ATRNL1: variants seen among roughly 807,000 people sequenced by gnomAD.
ATRNL1 encodes the protein attractin-like protein 1.
ATRNL1 carries 95 observed loss-of-function variants against 182.7 expected under a neutral mutation model. The observed-to-expected ratio is 0.52, with a 90% CI of 0.44 to 0.62. The LOEUF (loss-of-function observed/expected upper bound fraction) is 0.62. Among genes scored for constraint, ATRNL1 ranks in the 20% least tolerant of loss-of-function variants. ATRNL1 has a pLI of 0.00. For missense variants in ATRNL1, 1,471 were observed against 1,679.5 expected, an observed-to-expected ratio of 0.88 and a Z score of 2.17; for synonymous variants, 576 against 568.3, an observed-to-expected ratio of 1.01 and a Z score of -0.19.
intron 27 of ATRNL1, among the ~76,000 whole-genome samples, chr10:115,773,760 G>A (rs10885810): frequency 0.46 from 70,238 of 151,874 alleles, 18,031 homozygotes; most frequent in East Asian, 0.69. Context: ...AAAGTGTTTC[G>A]TTACAGATTA....
chr10:115,157,561 C>T (rs1333610182), intron 5 of ATRNL1, among the ~76,000 whole-genome samples: 1 of 152,070 alleles, frequency 6.6e-6, no homozygotes, highest in Non-Finnish European at 1.5e-5. Flanking sequence ...TTCTTTGCCT[C>T]CTTGCCTGTT....
chr10:115,587,761 A>T (rs1483476665), intron 26 of ATRNL1, among the ~76,000 whole-genome samples: 1 of 152,130 alleles, frequency 6.6e-6, no homozygotes, highest in Non-Finnish European at 1.5e-5. Flanking sequence ...AGCTGTTCCT[A>T]TTCGGCCATC....
intron 8 of ATRNL1, among the ~76,000 whole-genome samples, chr10:115,192,665 A>G (rs1040022577): frequency 6.6e-6 from 1 of 151,956 alleles, no homozygotes; most frequent in African/African-American, 2.4e-5. Context: ...TGTTTAATCT[A>G]TAGAACCTTT....
chr10:115,935,361 T>A (rs1243959225), intron 28 of ATRNL1, among the ~76,000 whole-genome samples: 11 of 152,220 alleles, frequency 7.2e-5, no homozygotes, highest in South Asian at 4.1e-4. Flanking sequence ...ACAGAATCAA[T>A]CATAGTTTTT....
chr10:115,121,085 T>C (rs1554871432), intron 2 of ATRNL1, among the ~76,000 whole-genome samples: 1 of 152,048 alleles, frequency 6.6e-6, no homozygotes. Context: ...ATGTATACAG[T>C]CTATGTAACC....
chr10:115,695,366 A>G (rs1216917372), intron 26 of ATRNL1, among the ~76,000 whole-genome samples: 2 of 152,180 alleles, frequency 1.3e-5, no homozygotes, highest in Admixed American at 6.5e-5. Flanking sequence ...TAGGAGTTTT[A>G]TTCTGAAAAG....
At chr10:115,435,116 G>C (rs1312787562) in intron 21 of ATRNL1, among the ~76,000 whole-genome samples, 6 of 151,052 alleles carry the variant, frequency 4.0e-5, no homozygotes, top group Non-Finnish European at 8.9e-5. Context: ...CCGCCTCCTG[G>C]GTTCATGCCA....
chr10:115,299,147 C>T (rs1258277955), intron 15 of ATRNL1, among the ~76,000 whole-genome samples: 1 of 150,942 alleles, frequency 6.6e-6, no homozygotes, highest in Non-Finnish European at 1.5e-5. Flanking sequence ...ATATTGGTAG[C>T]TTAGTATTTT....
intron 26 of ATRNL1, among the ~76,000 whole-genome samples, chr10:115,713,173 T>C (rs543082544): frequency 2.6e-5 from 4 of 152,244 alleles, no homozygotes; most frequent in African/African-American, 9.6e-5. Context: ...GACCACATGG[T>C]AGAGAGTGAC....
At chr10:115,380,004 G>T (rs1554950652) in intron 19 of ATRNL1, among the ~76,000 whole-genome samples, 3 of 151,982 alleles carry the variant, frequency 2.0e-5, no homozygotes, top group African/African-American at 7.3e-5. Flanking sequence ...TTTTGTTTTT[G>T]TATTTTTAGT....
At chr10:115,900,217 A>T (rs550860529) in intron 28 of ATRNL1, among the ~76,000 whole-genome samples, 1 of 152,344 alleles carries the variant, frequency 6.6e-6, no homozygotes, top group South Asian at 2.1e-4. Flanking sequence ...AAAAAGATAA[A>T]TTGGGCCCAT....
chr10:115,482,208 A>G (rs1238606432), intron 24 of ATRNL1, among the ~76,000 whole-genome samples: 4 of 151,122 alleles, frequency 2.6e-5, no homozygotes, highest in African/African-American at 9.7e-5. Flanking sequence ...CTAAATAAAT[A>G]TTGAATTAAT....
intron 28 of ATRNL1, among the ~76,000 whole-genome samples, chr10:115,920,733 A>C: frequency 6.6e-6 from 1 of 152,364 alleles, no homozygotes; most frequent in South Asian, 2.1e-4. Context: ...CCTTCACAGC[A>C]TTAGACGGAA....
At chr10:115,098,874 A>G (rs2085088222) in intron 1 of ATRNL1, among the ~76,000 whole-genome samples, 1 of 152,188 alleles carries the variant, frequency 6.6e-6, no homozygotes, top group South Asian at 2.1e-4. Flanking sequence ...GAGGTGTTTA[A>G]TTATAATTTT....
chr10:115,276,568 T>A (rs1178328744), intron 13 of ATRNL1, among the ~76,000 whole-genome samples: 1 of 152,232 alleles, frequency 6.6e-6, no homozygotes. Flanking sequence ...TCAGAATGTC[T>A]TGTGATTAAG....
At chr10:115,780,859 A>C (rs1949248689) in intron 27 of ATRNL1, among the ~76,000 whole-genome samples, 1 of 152,148 alleles carries the variant, frequency 6.6e-6, no homozygotes, top group Non-Finnish European at 1.5e-5. Context: ...ACTCAGATGT[A>C]CTGGTTTCAG....
rs934544062 is a variant in ATRNL1 at position 115,509,612 on chromosome 10, C to G, written c.3655-9651C>G. Among the ~76,000 whole-genome samples the G allele has an allele frequency of 2.0e-5, 3 of 152,066 alleles. No individual in the cohort carries two copies. The East Asian group carries it at 5.8e-4, about 30-fold the overall frequency. On this transcript the variant is annotated intron_variant, in intron 24 of 28. Coordinates refer to ENST00000355044, the MANE Select transcript of ATRNL1 (RefSeq NM_207303.4). ...AAGTTTACTGAGGCTTCCCCAGAAGCCTTGCAGATGCCAGCATCATGTTTC... is the reference window on the plus strand; with the variant it reads ...AAGTTTACTGAGGCTTCCCCAGAAGGCTTGCAGATGCCAGCATCATGTTTC...
chr10:115,295,046 C>T (rs1392901144), intron 15 of ATRNL1, among the ~76,000 whole-genome samples: 9 of 152,142 alleles, frequency 5.9e-5, no homozygotes, highest in African/African-American at 1.7e-4. Flanking sequence ...CATAGGCATG[C>T]AGTCACTTGG....
At chr10:115,576,469 A>G (rs572826437) in intron 26 of ATRNL1, among the ~76,000 whole-genome samples, 1 of 152,010 alleles carries the variant, frequency 6.6e-6, no homozygotes, top group South Asian at 2.1e-4. Context: ...TTTGATTTGC[A>G]TTTCCCTGAT....
Sources: gnomAD v4.1 joint callset for allele counts (sites outside exome capture counted in the v4.1 genomes callset) on GRCh38, gnomAD v4.1.1 for gene constraint, MANE v1.5 for transcripts, NCBI Gene and HGNC (gene_info 2026-07-23, HGNC 2026-07-21) for gene names.